WWOX: variants seen among roughly 807,000 people sequenced by gnomAD.
The protein encoded by WWOX is WW domain-containing oxidoreductase.
In WWOX, 69 loss-of-function variants were observed where a neutral mutation model predicts 46.2. The observed-to-expected ratio is 1.49, with a 90% CI of 1.23 to 1.82. The LOEUF is 1.82. Among genes scored for constraint, WWOX ranks in the 40% most tolerant of loss-of-function variants. The pLI, the probability that WWOX is intolerant of heterozygous loss-of-function variation, is 0.00. For missense variants in WWOX, 919 were observed against 542.6 expected (o/e 1.69, Z -6.89); for synonymous variants, 359 against 202.6 (o/e 1.77, Z -6.56).
At position 78,442,239 on chromosome 16, in the gene WWOX, C is replaced by T. The variant is rs146830033; in HGVS notation, c.1056+9487C>T. On this transcript the variant is annotated intron_variant, in intron 8 of 8. Transcript: ENST00000566780. ...ACCACAATCAAGCTAATTAACACAT[C>T]GGTCAACTTACATAGCTATCATTTT... Among the ~76,000 whole-genome samples, 186 of 152,214 alleles carry T rather than the reference C, an allele frequency of 1.2e-3. 3 individuals carry two copies. The East Asian group carries it at 0.027, about 22-fold the overall frequency.
At chr16:78,923,685 C>G (rs775136445) in intron 8 of WWOX, among the ~76,000 whole-genome samples, 5 of 151,098 alleles carry the variant, frequency 3.3e-5, no homozygotes, top group Non-Finnish European at 7.4e-5. Flanking sequence ...GTCGTGTGAA[C>G]TTTATTCTTC....
chr16:79,177,676 C>T (rs967589792), intron 8 of WWOX, among the ~76,000 whole-genome samples: 1 of 152,148 alleles, frequency 6.6e-6, no homozygotes, highest in Admixed American at 6.5e-5. Context: ...CTGGCTCATG[C>T]TTGGCACTTA....
chr16:78,747,183 C>G (rs985596604), intron 8 of WWOX, among the ~76,000 whole-genome samples: 3 of 145,932 alleles, frequency 2.1e-5, no homozygotes, highest in East Asian at 4.0e-4. Flanking sequence ...GGGGCACTTT[C>G]TTGCCCATTT....
intron 8 of WWOX, among the ~76,000 whole-genome samples, chr16:78,967,783 C>G (rs533091132): frequency 3.3e-5 from 5 of 151,980 alleles, no homozygotes; most frequent in African/African-American, 2.4e-5. Flanking sequence ...GCACAGAGTT[C>G]CAAATCTTTG....
intron 8 of WWOX, among the ~76,000 whole-genome samples, chr16:78,537,265 C>G (rs1167315355): frequency 2.6e-5 from 4 of 152,142 alleles, no homozygotes; most frequent in Non-Finnish European, 5.9e-5. Flanking sequence ...CTCCCTGTCT[C>G]CCTGCCTTCC....
At chr16:78,593,687 C>T (rs1411161792) in intron 8 of WWOX, among the ~76,000 whole-genome samples, 1 of 151,412 alleles carries the variant, frequency 6.6e-6, no homozygotes, top group African/African-American at 2.4e-5. Flanking sequence ...TTGGCAGCAT[C>T]TTCCCAGCGT....
chr16:78,713,817 G>A (rs1054722504), intron 8 of WWOX, among the ~76,000 whole-genome samples: 1 of 152,142 alleles, frequency 6.6e-6, no homozygotes, highest in South Asian at 2.1e-4. Flanking sequence ...GGCAACCCCT[G>A]TAGATAATAC....
At chr16:78,252,625 C>T (rs770701402) in intron 5 of WWOX, among the ~76,000 whole-genome samples, 6 of 152,176 alleles carry the variant, frequency 3.9e-5, no homozygotes, top group Non-Finnish European at 7.3e-5. Flanking sequence ...AGGGCTCTCA[C>T]GTTCTAGAAT....
intron 8 of WWOX, among the ~76,000 whole-genome samples, chr16:79,182,414 G>T: frequency 6.6e-6 from 1 of 151,934 alleles, no homozygotes; most frequent in Non-Finnish European, 1.5e-5. Context: ...TCCTTATCCC[G>T]TTAATATATG....
At chr16:79,048,038 C>T (rs967384198) in intron 8 of WWOX, among the ~76,000 whole-genome samples, 6 of 152,162 alleles carry the variant, frequency 3.9e-5, no homozygotes, top group Non-Finnish European at 8.8e-5. Context: ...TGGCATCCCT[C>T]TGCTCCCTAA....
intron 5 of WWOX, among the ~76,000 whole-genome samples, chr16:78,320,577 G>C (rs2080446034): frequency 6.6e-6 from 1 of 152,182 alleles, no homozygotes; most frequent in Non-Finnish European, 1.5e-5. Context: ...TATTGAAGAA[G>C]TCAACTTACC....
chr16:78,846,920 G>A lies in WWOX; in HGVS notation c.1057-364688G>A, dbSNP rs77403976. On this transcript the variant is annotated intron_variant, in intron 8 of 8. Transcript: ENST00000566780. The stretch of plus-strand genomic sequence containing the variant: ...TCTCCATTTATATTGGTATGGATAC[G>A]TGAATATTTAGTTTATTCTGTAGGT... Among the ~76,000 whole-genome samples, 40 of 152,308 alleles carry A rather than the reference G, an allele frequency of 2.6e-4. No individual in the cohort carries two copies. In the East Asian group the frequency reaches 6.6e-3, roughly 25 times the overall value.
At chr16:78,113,051 C>T (rs1389035739) in intron 3 of WWOX, among the ~76,000 whole-genome samples, 3 of 152,174 alleles carry the variant, frequency 2.0e-5, no homozygotes, top group Non-Finnish European at 2.9e-5. Context: ...TTCTCCTGTG[C>T]AGTCTTTGCC....
intron 8 of WWOX, among the ~76,000 whole-genome samples, chr16:78,869,880 C>G (rs1389438849): frequency 6.6e-6 from 1 of 152,136 alleles, no homozygotes; most frequent in African/African-American, 2.4e-5. Flanking sequence ...TCTTTTTTCC[C>G]AAATAACTGA....
intron 8 of WWOX, among the ~76,000 whole-genome samples, chr16:78,750,750 T>C (rs1347098156): frequency 6.6e-6 from 1 of 152,178 alleles, no homozygotes; most frequent in Non-Finnish European, 1.5e-5. Flanking sequence ...CGGTATTTGG[T>C]TTTCTGTTTC....
At chr16:78,314,701 G>GTTTTTTTGTTTTTTTT (rs2080322590) in intron 5 of WWOX, among the ~76,000 whole-genome samples, 1 of 61,312 alleles carries the variant, frequency 1.6e-5, no homozygotes. Context: ...TTTTTTTTTT[G>GTTTTTTTGTTTTTTTT]TTTTTTTTTT....
At chr16:78,796,570 C>T (rs1426900737) in intron 8 of WWOX, among the ~76,000 whole-genome samples, 2 of 152,228 alleles carry the variant, frequency 1.3e-5, no homozygotes, top group African/African-American at 4.8e-5. Context: ...TTGTAGATTG[C>T]TTACAATATT....
At chr16:78,928,203 C>CT (rs969068848) in intron 8 of WWOX, among the ~76,000 whole-genome samples, 19,924 of 134,164 alleles carry the variant, frequency 0.15, 2,128 homozygotes, top group African/African-American at 0.28. Flanking sequence ...TACCACTTTT[C>CT]TTTTTTTTTT....
intron 8 of WWOX, among the ~76,000 whole-genome samples, chr16:78,566,717 A>G (rs1211289904): frequency 6.6e-6 from 1 of 152,110 alleles, no homozygotes; most frequent in African/African-American, 2.4e-5. Context: ...AGTGACACCA[A>G]AGTGGGCTTT....
Sources: gnomAD v4.1 joint callset for allele counts (sites outside exome capture counted in the v4.1 genomes callset) on GRCh38, gnomAD v4.1.1 for gene constraint, MANE v1.5 for transcripts, NCBI Gene and HGNC (gene_info 2026-07-23, HGNC 2026-07-21) for gene names.